Variants in MTUS1 observed in about 807,000 individuals in gnomAD.
The protein encoded by MTUS1 is microtubule-associated tumor suppressor 1.
A neutral mutation model predicts 120.8 loss-of-function variants in MTUS1; 109 were observed. That is an observed-to-expected ratio of 0.90 (90% CI 0.77 to 1.06). The LOEUF (loss-of-function observed/expected upper bound fraction) is 1.06. Ranked by LOEUF, MTUS1 falls within the 50% of genes least tolerant of loss-of-function variation. The pLI, the probability that MTUS1 is intolerant of heterozygous loss-of-function variation, is 0.00. For synonymous variants in MTUS1, 737 were observed against 550.5 expected (o/e 1.34, Z -4.74); for missense variants, 2,210 against 1,486.3 (o/e 1.49, Z -8.01).
chr8:17,712,499 G>A (rs566230702), intron 6 of MTUS1, among the ~76,000 whole-genome samples: 32 of 152,130 alleles, frequency 2.1e-4, no homozygotes, highest in Middle Eastern at 3.4e-3. Flanking sequence ...ACCACGTCCG[G>A]CAAACTTTTT....
At chr8:17,762,830 G>C (rs549543565) in intron 1 of MTUS1, among the ~76,000 whole-genome samples, 13 of 152,144 alleles carry the variant, frequency 8.5e-5, no homozygotes, top group Admixed American at 2.0e-4. Flanking sequence ...TGGGGCCTGA[G>C]ATTCTGCATT....
rs754927615 is a variant in MTUS1 at position 17,715,758 on chromosome 8, G to A, written c.2584+9C>T. 21 of 1,609,312 alleles carry A rather than the reference G, an allele frequency of 1.3e-5. No homozygotes were observed. The South Asian group carries it at 2.2e-4, about 17-fold the overall frequency. Reference sequence around the variant, plus strand: ...GCCCTCCCTCTTCAAACCACAATGAGGACTGTACCTTTTGGAGGAGTTTTC... The same window carrying A: ...GCCCTCCCTCTTCAAACCACAATGAAGACTGTACCTTTTGGAGGAGTTTTC... On this transcript the variant is annotated intron_variant, in intron 5 of 14. Coordinates refer to ENST00000693296, the MANE Select transcript of MTUS1 (RefSeq NM_001363059.2).
chr8:17,726,165 T>C (rs909084879), intron 3 of MTUS1, among the ~76,000 whole-genome samples: 1 of 152,160 alleles, frequency 6.6e-6, no homozygotes, highest in Admixed American at 6.5e-5. Flanking sequence ...TTCTGAACCC[T>C]TGCTACTCAT....
chr8:17,744,431 T>C (rs1246870250), intron 2 of MTUS1, among the ~76,000 whole-genome samples: 5 of 152,122 alleles, frequency 3.3e-5, no homozygotes, highest in Non-Finnish European at 7.3e-5. Context: ...ATAACTTCTT[T>C]AGTTTTTTGA....
chr8:17,743,572 A>C, intron 3 of MTUS1, 32 bp downstream of exon 3: 2 of 1,582,596 alleles, frequency 1.3e-6, no homozygotes, highest in East Asian at 4.5e-5. Flanking sequence ...CATTCAATTA[A>C]CTCATAAACT....
intron 3 of MTUS1, among the ~76,000 whole-genome samples, chr8:17,731,609 A>C: frequency 6.6e-6 from 1 of 152,188 alleles, no homozygotes; most frequent in Non-Finnish European, 1.5e-5. Context: ...ACACAGGAAA[A>C]GTTAAAGGAA....
chr8:17,752,891 C>T (rs2048306650), intron 2 of MTUS1, among the ~76,000 whole-genome samples: 1 of 152,162 alleles, frequency 6.6e-6, no homozygotes, highest in Non-Finnish European at 1.5e-5. Flanking sequence ...CAACAGTGGC[C>T]TGTCAAATGT....
intron 1 of MTUS1, among the ~76,000 whole-genome samples, chr8:17,761,496 G>C (rs1279137775): frequency 2.0e-5 from 3 of 152,144 alleles, no homozygotes; most frequent in African/African-American, 7.2e-5. Context: ...GTCAATAGCA[G>C]ATTATACAAT....
chr8:17,773,260 C>T (rs918862364), intron 1 of MTUS1, among the ~76,000 whole-genome samples: 25 of 152,152 alleles, frequency 1.6e-4, no homozygotes, highest in African/African-American at 3.4e-4. Flanking sequence ...TATTTTGCAA[C>T]GTCTCAGATC....
chr8:17,799,410 TA>T (rs541386488), intron 1 of MTUS1, among the ~76,000 whole-genome samples: 26 of 152,088 alleles, frequency 1.7e-4, no homozygotes, highest in Non-Finnish European at 3.4e-4. Flanking sequence ...TATATAACTA[TA>T]AAAAATTTTT....
At chr8:17,717,099 T>A (rs3862099) in intron 4 of MTUS1, among the ~76,000 whole-genome samples, 61,956 of 152,070 alleles carry the variant, frequency 0.41, 14,078 homozygotes, top group Middle Eastern at 0.59. Flanking sequence ...ATTCAAACTT[T>A]GTACAGGCGT....
chr8:17,654,919 TC>T, intron 9 of MTUS1: 1 of 507,808 alleles, frequency 2.0e-6, no homozygotes, highest in Non-Finnish European at 3.5e-6. Flanking sequence ...CGAGACTCTG[TC>T]CCCACATGTG....
In MTUS1 at chr8:17,753,983, T is replaced by G. The variant is rs141857173; in HGVS notation, c.1825A>C (p.Lys609Gln). 1.2e-4 allele frequency: 197 copies of G among 1,614,224 alleles called. 1 individual carries two copies. In the East Asian group the frequency reaches 4.3e-3, roughly 35 times the overall value. ...TTGTCAACATCTTCCTGATTCGATT[T>G]CACGGCAGATGTTGTTCTTGGAACC... ...HRVPRTTSAV[K>Q]SNQEDVDKAS... The change falls in exon 2 of 15, where the codon AAA becomes CAA. Residue 609 changes from lysine to glutamine, a missense_variant. By Grantham distance (53) the Lys-to-Gln change is moderately conservative (BLOSUM62 1). Transcript: ENST00000693296.
chr8:17,740,666 C>T (rs972229789), intron 3 of MTUS1, among the ~76,000 whole-genome samples: 12 of 152,294 alleles, frequency 7.9e-5, no homozygotes, highest in Admixed American at 5.2e-4. Context: ...TCTTCTTAGT[C>T]GGCTCAGGCT....
intron 1 of MTUS1, among the ~76,000 whole-genome samples, chr8:17,764,861 G>C (rs2049341567): frequency 6.6e-6 from 1 of 152,168 alleles, no homozygotes; most frequent in Non-Finnish European, 1.5e-5. Context: ...CTGGTTTCAT[G>C]GGAGACAACT....
At chr8:17,646,376 C>A (rs1004084148) in intron 14 of MTUS1, among the ~76,000 whole-genome samples, 2 of 151,918 alleles carry the variant, frequency 1.3e-5, no homozygotes, top group Non-Finnish European at 2.9e-5. Flanking sequence ...TAACTTGAGG[C>A]CAGGAGTTCA....
At chr8:17,715,139 C>G (rs1370491228) in intron 5 of MTUS1, among the ~76,000 whole-genome samples, 1 of 151,944 alleles carries the variant, frequency 6.6e-6, no homozygotes, top group Non-Finnish European at 1.5e-5. Context: ...CTCCTGACCT[C>G]AAGCAATCCA....
At chr8:17,654,308 CA>C (rs1482801955) in intron 10 of MTUS1, 4 of 495,304 alleles carry the variant, frequency 8.1e-6, no homozygotes, top group African/African-American at 1.9e-5. Flanking sequence ...CCACCACCGC[CA>C]AAATGGCCTT....
At chr8:17,768,160 AT>A (rs1257609324) in intron 1 of MTUS1, among the ~76,000 whole-genome samples, 1 of 152,266 alleles carries the variant, frequency 6.6e-6, no homozygotes, top group African/African-American at 2.4e-5. Flanking sequence ...AGAGAGCTGT[AT>A]AAATAATGTA....
Sources: gnomAD v4.1 joint callset for allele counts (sites outside exome capture counted in the v4.1 genomes callset) on GRCh38, gnomAD v4.1.1 for gene constraint, MANE v1.5 for transcripts, NCBI Gene and HGNC (gene_info 2026-07-23, HGNC 2026-07-21) for gene names.